Variants in ADAM7 observed in about 807,000 individuals in gnomAD.
ADAM7 encodes ADAM metallopeptidase domain 7.
In ADAM7, 97 loss-of-function variants were observed where a neutral mutation model predicts 102.9. That is an observed-to-expected ratio of 0.94 (90% CI 0.80 to 1.12). The LOEUF (loss-of-function observed/expected upper bound fraction) is 1.12. Ranked by LOEUF, ADAM7 falls within the 50% of genes most tolerant of loss-of-function variation. ADAM7 has a pLI of 0.00. For synonymous variants in ADAM7, 334 were observed against 304.4 expected, an observed-to-expected ratio of 1.10 and a Z score of -1.01; for missense variants, 991 against 908.7, an observed-to-expected ratio of 1.09 and a Z score of -1.16.
intron 7 of ADAM7, among the ~76,000 whole-genome samples, chr8:24,472,885 G>A (rs1819653120): frequency 1.3e-5 from 2 of 151,928 alleles, no homozygotes; most frequent in South Asian, 4.2e-4. Flanking sequence ...AAAAAATATA[G>A]AAATATATGT....
chr8:24,476,407 T>TATTAATATTC, intron 7 of ADAM7, 26 bp from the exon 8 acceptor site: 4 of 1,500,124 alleles, frequency 2.7e-6, no homozygotes, highest in Non-Finnish European at 3.7e-6. Flanking sequence ...TATTAATGAA[T>TATTAATATTC]ATTAATATGA....
At chr8:24,446,338 T>C (rs1308337183) in intron 2 of ADAM7, among the ~76,000 whole-genome samples, 4 of 152,208 alleles carry the variant, frequency 2.6e-5, no homozygotes, top group East Asian at 3.8e-4. Flanking sequence ...TAAGTCATCA[T>C]TTCATTGTTT....
chr8:24,492,871 TCAGTTC>T (rs555876952), intron 15 of ADAM7, among the ~76,000 whole-genome samples, 166 bp from the exon 16 acceptor site: 107 of 152,290 alleles, frequency 7.0e-4, no homozygotes, highest in African/African-American at 2.2e-3. Context: ...CGGACTCATC[TCAGTTC>T]CCAGGGCCAA....
At chr8:24,472,122 C>CAAA (rs55708871) in intron 7 of ADAM7, among the ~76,000 whole-genome samples, 1 of 102,770 alleles carries the variant, frequency 9.7e-6, no homozygotes, top group Non-Finnish European at 2.2e-5. Flanking sequence ...AAAAAGATAA[C>CAAA]AAAAAAAAAA....
At chr8:24,507,668 ATT>A (rs11307556) in intron 21 of ADAM7, 133 bp downstream of exon 21, 42,644 of 530,396 alleles carry the variant, frequency 0.08, 4 homozygotes, top group South Asian at 0.1. Context: ...GAAGGTTAGA[ATT>A]TTTTTTTTTT....
At chr8:24,466,345 T>C (rs540052363) in intron 5 of ADAM7, among the ~76,000 whole-genome samples, 3 of 152,318 alleles carry the variant, frequency 2.0e-5, no homozygotes, top group East Asian at 3.9e-4. Flanking sequence ...CTGTCTTTAA[T>C]TACGGGAAAT....
chr8:24,450,079 A>G (rs1818722934), intron 3 of ADAM7, among the ~76,000 whole-genome samples: 1 of 152,194 alleles, frequency 6.6e-6, no homozygotes, highest in Non-Finnish European at 1.5e-5. Context: ...GAAGTCAGGT[A>G]GCATGATGCC....
chr8:24,482,200 A>C lies in ADAM7; in HGVS notation c.764A>C (p.Glu255Ala), dbSNP rs774808165. 9 of 1,607,290 alleles carry C rather than the reference A, an allele frequency of 5.6e-6. No individual in the cohort carries two copies. The South Asian group carries it at 7.9e-5, about 14-fold the overall frequency. The change falls in exon 9 of 22, where the codon GAA becomes GCA. Residue 255 changes from glutamate to alanine, a missense_variant. Coordinates refer to ENST00000175238, the MANE Select transcript of ADAM7 (RefSeq NM_003817.4). ...GTTGGCATTGAAATATGGACACATG[A>C]AGATAAAATAGAACTATATTCAAAT... is the stretch of plus-strand genomic sequence containing the variant. ...TLVGIEIWTH[E>A]DKIELYSNIE...
chr8:24,492,957 AAG>A, intron 15 of ADAM7, 84 bp from the exon 16 acceptor site: 1 of 1,352,712 alleles, frequency 7.4e-7, no homozygotes, highest in Non-Finnish European at 9.9e-7. Flanking sequence ...GATCTAGAAA[AAG>A]AGTGACCGGG....
intron 9 of ADAM7, among the ~76,000 whole-genome samples, 185 bp downstream of exon 9, chr8:24,482,496 C>A (rs554524371): frequency 6.6e-6 from 1 of 152,060 alleles, no homozygotes; most frequent in East Asian, 1.9e-4. Context: ...ATCTTTAATC[C>A]CAACATTTTA....
intron 8 of ADAM7, among the ~76,000 whole-genome samples, chr8:24,477,915 C>T (rs566250520): frequency 6.6e-6 from 1 of 152,238 alleles, no homozygotes; most frequent in South Asian, 2.1e-4. Context: ...TTCTTTGTCA[C>T]TACTACCATA....
chr8:24,476,068 A>G lies in ADAM7; in HGVS notation c.634-365A>G, dbSNP rs1398862772. 7.1e-6 allele frequency: 3 copies of G among 420,282 alleles called. No individual in the cohort carries two copies. The Admixed American group carries it at 8.5e-5, about 12-fold the overall frequency. The allele number at this position is 420,282 out of a possible 1,614,324, so 26.0% of individuals were successfully genotyped here. A position where few individuals can be genotyped will look rare whatever the true frequency, so the allele number is the denominator to read the frequency against. ...AAAGTTGCTGTTCTTCGCCATATAGATTGCTTTGTAGCTTTAATAGGTTTG... is the reference window on the plus strand; with the variant it reads ...AAAGTTGCTGTTCTTCGCCATATAGGTTGCTTTGTAGCTTTAATAGGTTTG... On this transcript the variant is annotated intron_variant, in intron 7 of 21. Coordinates refer to ENST00000175238, the MANE Select transcript of ADAM7 (RefSeq NM_003817.4).
chr8:24,493,007 C>T, intron 15 of ADAM7, 36 bp from the exon 16 acceptor site: 2 of 1,532,614 alleles, frequency 1.3e-6, no homozygotes, highest in Non-Finnish European at 8.7e-7. Flanking sequence ...AGTTGTATTT[C>T]TAGTTCCAAG....
intron 20 of ADAM7, among the ~76,000 whole-genome samples, chr8:24,502,405 GA>G (rs1318736431): frequency 6.6e-6 from 1 of 151,742 alleles, no homozygotes; most frequent in Admixed American, 6.6e-5. Context: ...CAGAAAAAAA[GA>G]AAAAGTAAAT....
chr8:24,488,055 C>A (rs1230209925), intron 11 of ADAM7, among the ~76,000 whole-genome samples: 2 of 152,202 alleles, frequency 1.3e-5, no homozygotes, highest in Non-Finnish European at 2.9e-5. Context: ...GGCATTTCAA[C>A]TCCCACTCCA....
Position 24,466,975 on chromosome 8 carries a change from A to C in ADAM7, c.566A>C (p.Asp189Ala). 1 of 1,613,354 alleles carries C rather than the reference A, an allele frequency of 6.2e-7. No homozygotes were observed. The highest frequency in any genetic ancestry group is 1.7e-5 in the Admixed American group (1 of 59,970). The change falls in exon 6 of 22, where the codon GAC becomes GCC. Residue 189 changes from aspartate to alanine, a missense_variant. Coordinates refer to ENST00000175238, the MANE Select transcript of ADAM7 (RefSeq NM_003817.4). ...TVPGDNESEE[D>A]SKIKGIHDEK... ...CCAGGGGATAATGAATCTGAAGAAG[A>C]CTCCAAAATAAAAGTGAGTACTTTA...
At chr8:24,485,864 T>G (rs1426411009) in intron 10 of ADAM7, among the ~76,000 whole-genome samples, 1 of 152,160 alleles carries the variant, frequency 6.6e-6, no homozygotes, top group Non-Finnish European at 1.5e-5. Context: ...GTAAATGTTG[T>G]CCAAGTAACC....
intron 3 of ADAM7, among the ~76,000 whole-genome samples, chr8:24,454,662 T>C (rs1313544374): frequency 1.3e-5 from 2 of 152,128 alleles, no homozygotes; most frequent in Non-Finnish European, 2.9e-5. Flanking sequence ...CTGCACCCAC[T>C]GTCCTGCGCC....
intron 7 of ADAM7, among the ~76,000 whole-genome samples, chr8:24,470,193 A>G (rs1029168786): frequency 3.3e-5 from 5 of 152,198 alleles, no homozygotes; most frequent in South Asian, 2.1e-4. Context: ...TTTAAACAAC[A>G]GAAGATACAG....
Sources: allele counts gnomAD v4.1 joint callset (sites outside exome capture counted in the v4.1 genomes callset), GRCh38; gene constraint gnomAD v4.1.1; transcripts MANE v1.5; gene names NCBI Gene and HGNC (gene_info 2026-07-23, HGNC 2026-07-21).